The following ESRRB variants were observed in gnomAD, a reference collection of about 807,000 sequenced individuals.
ESRRB encodes steroid hormone receptor ERR2.
In ESRRB, 16 loss-of-function variants were observed where a neutral mutation model predicts 46.0. That is an observed-to-expected ratio of 0.35 (90% CI 0.24 to 0.53). ESRRB has a LOEUF of 0.53. Ranked by LOEUF, ESRRB falls within the 20% of genes least tolerant of loss-of-function variation. ESRRB has a pLI of 0.93. For synonymous variants in ESRRB, 246 were observed against 259.6 expected (o/e 0.95, Z 0.50); for missense variants, 488 against 607.4 (o/e 0.80, Z 2.07).
intron 5 of ESRRB, among the ~76,000 whole-genome samples, chr14:76,490,315 C>T (rs1262171790): frequency 1.3e-5 from 2 of 152,204 alleles, no homozygotes; most frequent in Non-Finnish European, 2.9e-5. Context: ...TACTTACTCT[C>T]TCTTACTCTC....
chr14:76,413,816 C>T (rs1354680420), intron 1 of ESRRB, among the ~76,000 whole-genome samples: 1 of 150,956 alleles, frequency 6.6e-6, no homozygotes, highest in Non-Finnish European at 1.5e-5. Context: ...GCAGAGGCGG[C>T]CCCCGCACCG....
chr14:76,441,068 G>A (rs1043050484), intron 2 of ESRRB, among the ~76,000 whole-genome samples: 1 of 152,116 alleles, frequency 6.6e-6, no homozygotes, highest in African/African-American at 2.4e-5. Flanking sequence ...AGAGATAAGG[G>A]TCTTGCTATG....
chr14:76,480,385 G>T (rs1039149044), intron 3 of ESRRB, among the ~76,000 whole-genome samples: 3 of 152,306 alleles, frequency 2.0e-5, no homozygotes, highest in African/African-American at 2.4e-5. Context: ...GCAGAGGGGT[G>T]GGGGGTAGTG....
intron 1 of ESRRB, among the ~76,000 whole-genome samples, chr14:76,411,349 G>A (rs868334795): frequency 6.6e-6 from 1 of 152,068 alleles, no homozygotes; most frequent in East Asian, 1.9e-4. Flanking sequence ...TCGGGAGGCC[G>A]AGGCAGGAGA....
chr14:76,357,378 GA>G (rs1884395003), intron 1 of ESRRB, among the ~76,000 whole-genome samples: 1 of 152,228 alleles, frequency 6.6e-6, no homozygotes, highest in Non-Finnish European at 1.5e-5. Flanking sequence ...TTCCAGAGAA[GA>G]AAAAGGATGC....
chr14:76,426,410 C>CTG (rs1887204101), intron 1 of ESRRB, among the ~76,000 whole-genome samples: 1 of 152,198 alleles, frequency 6.6e-6, no homozygotes, highest in African/African-American at 2.4e-5. Flanking sequence ...TGTAGTCCTC[C>CTG]TGGTGTCTAG....
intron 1 of ESRRB, among the ~76,000 whole-genome samples, chr14:76,385,242 A>T (rs1002526404): frequency 2.6e-5 from 4 of 151,512 alleles, no homozygotes; most frequent in Non-Finnish European, 5.9e-5. Flanking sequence ...CCAAACCTCA[A>T]AGCTTTGGAT....
rs924494500 is a variant in ESRRB at position 76,377,691 on chromosome 14, A to G, written c.50+1240A>G. Among the ~76,000 whole-genome samples, 4 of 151,924 alleles carry G rather than the reference A, an allele frequency of 2.6e-5. No homozygotes were observed. The East Asian group carries it at 7.7e-4, about 29-fold the overall frequency. On this transcript the variant is annotated intron_variant, in intron 1 of 6. Transcript: ENST00000644823. ...CCCCCTCCCCCCAAGAACCACGACT[A>G]CATCTCTAAAATAAATACTCTGGAT...
At chr14:76,467,073 C>T (rs962842394) in intron 3 of ESRRB, among the ~76,000 whole-genome samples, 4 of 151,854 alleles carry the variant, frequency 2.6e-5, no homozygotes, top group Non-Finnish European at 2.9e-5. Flanking sequence ...CACTGTAAAA[C>T]GGGGATGTTG....
intron 2 of ESRRB, among the ~76,000 whole-genome samples, chr14:76,445,027 C>T (rs1272827645): frequency 4.7e-5 from 7 of 147,920 alleles, no homozygotes; most frequent in African/African-American, 8.0e-5. Context: ...TAAAAATTAG[C>T]TGGGTATGGT....
intron 1 of ESRRB, among the ~76,000 whole-genome samples, chr14:76,313,572 C>T (rs1883763874): frequency 6.6e-6 from 1 of 152,116 alleles, no homozygotes; most frequent in Non-Finnish European, 1.5e-5. Context: ...GCAGCAGGCT[C>T]AGGTGCAGGA....
rs1595163029 is a variant in ESRRB, at chr14:76,482,705, G to C, written c.796G>C (p.Asp266His). 1.9e-6 allele frequency: 3 copies of C among 1,614,208 alleles called. 1 individual carries two copies. The South Asian group carries it at 3.3e-5, about 18-fold the overall frequency. The change falls in exon 5 of 7, where the codon GAC becomes CAC. Residue 266 changes from aspartate (D) to histidine (H), a missense_variant. Asp to His is a moderately conservative substitution (Grantham distance 81). Transcript: ENST00000644823. This position sits in a 1 kb window ranked among gnomAD's most constrained non-coding sequence, Gnocchi z 4.3. ...CATCAAGGCCCTGACCACTCTCTGT[G>C]ACCTGGCAGACCGAGAGCTTGTGGT... ...GDIKALTTLCDLADRELVVII... is the reference protein window; with the variant it reads ...GDIKALTTLCHLADRELVVII...
In ESRRB at chr14:76,376,564, G is replaced by C; in HGVS notation, c.50+113G>C. 1.4e-6 allele frequency: 1 copy of C among 694,250 alleles called. No homozygotes were observed. The highest frequency in any genetic ancestry group is 2.0e-6 in the Non-Finnish European group (1 of 508,980). The allele number at this position is 694,250 out of a possible 1,614,324, so 43.0% of individuals were successfully genotyped here. ...TTGTGTAAAAGTGGAAGGGACTTCGGGGGGGCACTTGGGGGACGAAGGAGG... is the reference window on the plus strand; with the variant it reads ...TTGTGTAAAAGTGGAAGGGACTTCGCGGGGGCACTTGGGGGACGAAGGAGG... On this transcript the variant is annotated intron_variant, in intron 1 of 6. Transcript: ENST00000644823. This position sits in a 1 kb window ranked among gnomAD's most constrained non-coding sequence, Gnocchi z 4.1.
intron 1 of ESRRB, among the ~76,000 whole-genome samples, chr14:76,317,206 T>G (rs1166202664): frequency 6.6e-6 from 1 of 152,088 alleles, no homozygotes; most frequent in Non-Finnish European, 1.5e-5. Context: ...CAATGAAAAG[T>G]CTAGGCATCT....
chr14:76,455,086 G>A (rs1286971710), intron 2 of ESRRB, among the ~76,000 whole-genome samples: 3 of 151,932 alleles, frequency 2.0e-5, no homozygotes, highest in African/African-American at 4.8e-5. Context: ...GTGTGGTGGC[G>A]GGTGCCTGTA....
At chr14:76,386,802 C>T (rs946168596) in intron 1 of ESRRB, among the ~76,000 whole-genome samples, 2 of 152,058 alleles carry the variant, frequency 1.3e-5, no homozygotes, top group South Asian at 2.1e-4. Flanking sequence ...TAAGTTCCCT[C>T]GACCAGATAT....
intron 1 of ESRRB, among the ~76,000 whole-genome samples, chr14:76,359,045 C>A (rs1884432752): frequency 6.6e-6 from 1 of 152,202 alleles, no homozygotes; most frequent in African/African-American, 2.4e-5. Flanking sequence ...CCTGAAATAA[C>A]CTTCTAGAAT....
chr14:76,356,925 T>C (rs957951094), intron 1 of ESRRB, among the ~76,000 whole-genome samples: 3 of 152,206 alleles, frequency 2.0e-5, no homozygotes, highest in African/African-American at 4.8e-5. Context: ...AGGGGCCTTG[T>C]TGGGCCTTTG....
At chr14:76,484,542 G>A (rs1163084852) in intron 5 of ESRRB, among the ~76,000 whole-genome samples, 2 of 152,174 alleles carry the variant, frequency 1.3e-5, no homozygotes, top group Non-Finnish European at 2.9e-5. Flanking sequence ...AACAGATCCT[G>A]CATCCTAGCA....
Sources: gnomAD v4.1 joint callset for allele counts (sites outside exome capture counted in the v4.1 genomes callset) on GRCh38, gnomAD v4.1.1 for gene constraint, Gnocchi (gnomAD v3.1) non-coding constraint, MANE v1.5 for transcripts, NCBI Gene and HGNC (gene_info 2026-07-23, HGNC 2026-07-21) for gene names.